NELL1: variants seen among roughly 807,000 people sequenced by gnomAD.
NELL1 encodes the protein protein kinase C-binding protein NELL1.
In NELL1, 76 loss-of-function variants were observed where a neutral mutation model predicts 107.4. The ratio of observed to expected loss-of-function variants is 0.71; its 90% CI spans 0.59 to 0.86. The LOEUF (loss-of-function observed/expected upper bound fraction) is 0.86, where lower values mean the gene tolerates loss of function less well. Among genes scored for constraint, NELL1 ranks in the 40% least tolerant of loss-of-function variants. The pLI, the probability that NELL1 is intolerant of heterozygous loss-of-function variation, is 0.00. For synonymous variants in NELL1, 353 were observed against 341.2 expected (o/e 1.03, Z -0.38); for missense variants, 1,024 against 1,005.5 (o/e 1.02, Z -0.25).
intron 2 of NELL1, among the ~76,000 whole-genome samples, chr11:20,750,704 A>T (rs1856113834): frequency 6.6e-6 from 1 of 151,988 alleles, no homozygotes; most frequent in South Asian, 2.1e-4. Flanking sequence ...CTCCCGTCTC[A>T]ACCTCCCCAG....
chr11:21,000,476 A>G (rs947351997), intron 12 of NELL1, among the ~76,000 whole-genome samples: 3 of 152,152 alleles, frequency 2.0e-5, no homozygotes, highest in African/African-American at 7.2e-5. Context: ...CAGATTCCCA[A>G]TCTAGCAGTT....
At chr11:21,150,749 C>A (rs1428460977) in intron 13 of NELL1, among the ~76,000 whole-genome samples, 3 of 152,072 alleles carry the variant, frequency 2.0e-5, no homozygotes, top group African/African-American at 7.2e-5. Flanking sequence ...TGGAGTGAGA[C>A]CCAGAATTAG....
intron 14 of NELL1, among the ~76,000 whole-genome samples, chr11:21,364,696 G>A (rs1406013863): frequency 2.6e-5 from 4 of 152,070 alleles, no homozygotes; most frequent in Non-Finnish European, 5.9e-5. Flanking sequence ...TCTAAAGTTA[G>A]CAATGCATAG....
intron 12 of NELL1, among the ~76,000 whole-genome samples, chr11:20,964,709 C>T (rs1003204560): frequency 5.9e-5 from 9 of 152,276 alleles, no homozygotes; most frequent in Admixed American, 2.0e-4. Context: ...GTTGCCCTCC[C>T]GATTTTGCCG....
intron 14 of NELL1, among the ~76,000 whole-genome samples, chr11:21,231,190 A>G (rs1858040267): frequency 6.6e-6 from 1 of 152,192 alleles, no homozygotes; most frequent in African/African-American, 2.4e-5. Context: ...GTTCAGAACA[A>G]TATAGTATCA....
chr11:20,805,842 C>T (rs1180250730), intron 3 of NELL1, among the ~76,000 whole-genome samples: 1 of 152,224 alleles, frequency 6.6e-6, no homozygotes, highest in African/African-American at 2.4e-5. Flanking sequence ...ACACCGAGTA[C>T]ATAAACAAAC....
chr11:20,724,738 C>G (rs760574186), intron 2 of NELL1, among the ~76,000 whole-genome samples: 3 of 152,208 alleles, frequency 2.0e-5, no homozygotes, highest in Non-Finnish European at 2.9e-5. Flanking sequence ...CTAACATCTT[C>G]CCATTACCCA....
chr11:20,951,366 T>C (rs551318212), intron 11 of NELL1, among the ~76,000 whole-genome samples: 91 of 152,292 alleles, frequency 6.0e-4, no homozygotes, highest in Admixed American at 1.4e-3. Context: ...CCCACAATTA[T>C]TGACTAATCA....
At chr11:21,484,372 A>G (rs1468446733) in intron 15 of NELL1, among the ~76,000 whole-genome samples, 1 of 151,814 alleles carries the variant, frequency 6.6e-6, no homozygotes, top group Non-Finnish European at 1.5e-5. Context: ...TATACTATAC[A>G]CTTTTACAAT....
chr11:20,748,594 A>C (rs1856056020), intron 2 of NELL1, among the ~76,000 whole-genome samples: 1 of 152,054 alleles, frequency 6.6e-6, no homozygotes, highest in Non-Finnish European at 1.5e-5. Flanking sequence ...AAAATTTATT[A>C]TAAATTTTGT....
At chr11:21,269,868 T>TA (rs1464693470) in intron 14 of NELL1, among the ~76,000 whole-genome samples, 1 of 152,126 alleles carries the variant, frequency 6.6e-6, no homozygotes. Flanking sequence ...TATACTCTTA[T>TA]ATAAAAGTGA....
intron 3 of NELL1, among the ~76,000 whole-genome samples, chr11:20,838,697 G>A (rs1384507616): frequency 2.6e-5 from 4 of 151,980 alleles, no homozygotes; most frequent in African/African-American, 9.7e-5. Context: ...GAAAACTGAA[G>A]ATTATATTTC....
At chr11:20,831,668 T>C (rs1858012635) in intron 3 of NELL1, among the ~76,000 whole-genome samples, 1 of 152,210 alleles carries the variant, frequency 6.6e-6, no homozygotes, top group Non-Finnish European at 1.5e-5. Flanking sequence ...TCTCATCTAC[T>C]TTTTTGAACT....
At chr11:21,172,147 C>T (rs544677130) in intron 13 of NELL1, among the ~76,000 whole-genome samples, 4 of 151,898 alleles carry the variant, frequency 2.6e-5, no homozygotes, top group South Asian at 2.1e-4. Flanking sequence ...ACCTATTGAA[C>T]GCCACAGGGT....
At chr11:21,100,639 T>C (rs1854781905) in intron 12 of NELL1, among the ~76,000 whole-genome samples, 1 of 152,198 alleles carries the variant, frequency 6.6e-6, no homozygotes, top group African/African-American at 2.4e-5. Context: ...CTTGAGGAGA[T>C]ACTTGTACAC....
intron 13 of NELL1, among the ~76,000 whole-genome samples, chr11:21,184,174 TATA>T (rs1856884813): frequency 6.6e-6 from 1 of 151,886 alleles, no homozygotes; most frequent in Non-Finnish European, 1.5e-5. Context: ...AGTGATTGGT[TATA>T]ATCAATATCC....
At chr11:20,747,032 C>G (rs1261311399) in intron 2 of NELL1, among the ~76,000 whole-genome samples, 6 of 152,306 alleles carry the variant, frequency 3.9e-5, no homozygotes, top group East Asian at 1.9e-4. Flanking sequence ...CTTTGGCTCA[C>G]AGATATGTCT....
At chr11:21,269,144 A>G (rs192124758) in intron 14 of NELL1, among the ~76,000 whole-genome samples, 1 of 152,234 alleles carries the variant, frequency 6.6e-6, no homozygotes, top group Admixed American at 6.5e-5. Context: ...AAACAAAACA[A>G]AACAAAAAGC....
At chr11:21,059,555 C>G (rs896461990) in intron 12 of NELL1, among the ~76,000 whole-genome samples, 8 of 152,010 alleles carry the variant, frequency 5.3e-5, no homozygotes, top group African/African-American at 1.7e-4. Flanking sequence ...TTTCACCAAG[C>G]CATAGAAAAA....
Sources: gnomAD v4.1 joint callset for allele counts (sites outside exome capture counted in the v4.1 genomes callset) on GRCh38, gnomAD v4.1.1 for gene constraint, MANE v1.5 for transcripts, NCBI Gene and HGNC (gene_info 2026-07-23, HGNC 2026-07-21) for gene names.